The following NT5E variants were observed in gnomAD, a reference collection of about 807,000 sequenced individuals.
NT5E encodes 5'-nucleotidase.
In NT5E, 53 loss-of-function variants were observed where a neutral mutation model predicts 55.1. The observed-to-expected ratio is 0.96, with a 90% CI of 0.77 to 1.21. The LOEUF (loss-of-function observed/expected upper bound fraction) is 1.21. NT5E is among the 50% of genes most tolerant of loss of function. The pLI is 0.00. For missense variants in NT5E, 683 were observed against 724.3 expected, an observed-to-expected ratio of 0.94 and a Z score of 0.65; for synonymous variants, 270 against 278.4, an observed-to-expected ratio of 0.97 and a Z score of 0.30.
chr6:85,485,725 A>C (rs1769640325), intron 4 of NT5E, among the ~76,000 whole-genome samples: 2 of 152,212 alleles, frequency 1.3e-5, no homozygotes, highest in Non-Finnish European at 2.9e-5. Flanking sequence ...GCTTGTGTTT[A>C]CAGGAGAGAT....
chr6:85,453,095 C>A (rs182171939), intron 1 of NT5E, among the ~76,000 whole-genome samples: 1 of 152,222 alleles, frequency 6.6e-6, no homozygotes, highest in East Asian at 1.9e-4. Context: ...ATCCTGGAGA[C>A]CCCCTGGAAC....
chr6:85,467,967 T>C (rs1417100185), intron 2 of NT5E, among the ~76,000 whole-genome samples: 1 of 151,968 alleles, frequency 6.6e-6, no homozygotes, highest in Non-Finnish European at 1.5e-5. Context: ...CAAGAAACTA[T>C]TTTGAGGCAC....
At position 85,467,238 on chromosome 6, in the gene NT5E, T is replaced by C. The variant is rs751632170; in HGVS notation, c.518T>C (p.Ile173Thr). 3 of 1,614,212 alleles carry C rather than the reference T, an allele frequency of 1.9e-6. No homozygotes were observed. The highest frequency in any genetic ancestry group is 2.5e-6 in the Non-Finnish European group (3 of 1,180,024). ...CCTGTTGGTGATGAAGTTGTGGGAA[T>C]CGTTGGATACACTTCCAAAGAAACC... ...VLPVGDEVVG[I>T]VGYTSKETPF... The change falls in exon 2 of 9, where the codon ATC becomes ACC. Residue 173 changes from isoleucine to threonine, a missense_variant. Ile to Thr is a moderately conservative substitution (Grantham distance 89). Transcript: ENST00000257770.
chr6:85,471,489 T>A (rs1409168114), intron 3 of NT5E, 64 bp downstream of exon 3: 1 of 1,379,286 alleles, frequency 7.3e-7, no homozygotes, highest in South Asian at 1.2e-5. Flanking sequence ...CTCTTTTGCC[T>A]TTGTAACTGT....
chr6:85,494,300 T>A lies in NT5E; in HGVS notation c.*296T>A. The A allele has an allele frequency of 2.7e-6, 1 of 368,498 alleles. No individual in the cohort carries two copies. Among genetic ancestry groups the A allele is most frequent in the Non-Finnish European group, 4.9e-6 (1 of 203,078 alleles). The allele number at this position is 368,498 out of a possible 1,614,324, so 22.8% of individuals were successfully genotyped here. On this transcript the variant is annotated 3_prime_UTR_variant, in exon 9 of 9. Coordinates refer to ENST00000257770, the MANE Select transcript of NT5E (RefSeq NM_002526.4). ...CAATTTTAAACCATATTTTTCTTCT[T>A]CATATCCATTTCTAATCCATCAAAC...
At position 85,464,369 on chromosome 6, in the gene NT5E, G is replaced by T. The variant is rs971306872; in HGVS notation, c.340-2691G>T. Among the ~76,000 whole-genome samples, 9 of 152,140 alleles carry T rather than the reference G, an allele frequency of 5.9e-5. 1 individual carries two copies. Among genetic ancestry groups the T allele is most frequent in the Non-Finnish European group, 1.2e-4 (8 of 68,032 alleles). The stretch of plus-strand genomic sequence containing the variant: ...TGTGGCAAGTGCTGACTCAATACTG[G>T]CTCATTTCCTTAACTGCTTTTATTT... On this transcript the variant is annotated intron_variant, in intron 1 of 8. Coordinates refer to ENST00000257770, the MANE Select transcript of NT5E (RefSeq NM_002526.4).
chr6:85,481,039 C>T (rs1362766373), intron 3 of NT5E, among the ~76,000 whole-genome samples: 3 of 152,082 alleles, frequency 2.0e-5, no homozygotes, highest in African/African-American at 7.2e-5. Context: ...ACTCAGGCAT[C>T]GCTGGCTTCT....
chr6:85,466,983 G>A, intron 1 of NT5E, 77 bp from the exon 2 acceptor site: 1 of 1,343,216 alleles, frequency 7.4e-7, no homozygotes, highest in Non-Finnish European at 1.1e-6. Flanking sequence ...ATAGAGCTTA[G>A]TCAGTTTTGA....
At position 85,450,554 on chromosome 6, in the gene NT5E, A is replaced by T; in HGVS notation, c.339+76A>T. The T allele has an allele frequency of 7.3e-7, 1 of 1,374,628 alleles. No individual in the cohort carries two copies. Among genetic ancestry groups the T allele is most frequent in the Non-Finnish European group, 1.0e-6 (1 of 990,156 alleles). 85.2% of individuals were successfully genotyped at this position (1,374,628 alleles called of 1,614,324 possible). A position where few individuals can be genotyped will look rare whatever the true frequency, so the allele number is the denominator to read the frequency against. On this transcript the variant is annotated intron_variant, in intron 1 of 8. Coordinates refer to ENST00000257770, the MANE Select transcript of NT5E (RefSeq NM_002526.4). The surrounding 1 kb of genome is among the most constrained non-coding windows in gnomAD (Gnocchi z 4.0). ...CCGGGCTGGAAAAGCAGCGGATGGC[A>T]GAGTGTGGCAAGCCTAGGTCCAGGG...
At chr6:85,456,292 G>A (rs546295999) in intron 1 of NT5E, among the ~76,000 whole-genome samples, 20 of 152,230 alleles carry the variant, frequency 1.3e-4, no homozygotes, top group African/African-American at 4.1e-4. Context: ...TTCCCTAGTC[G>A]TATGCTTTAT....
chr6:85,475,560 G>T (rs571289594), intron 3 of NT5E, among the ~76,000 whole-genome samples: 1 of 152,296 alleles, frequency 6.6e-6, no homozygotes, highest in African/African-American at 2.4e-5. Context: ...TTTCTCTAAA[G>T]AAGTTAAATC....
At position 85,471,380 on chromosome 6, in the gene NT5E, G is replaced by A. The variant is rs755607013; in HGVS notation, c.706G>A (p.Val236Met). The A allele has an allele frequency of 1.9e-6, 3 of 1,612,956 alleles. No individual in the cohort carries two copies. Among genetic ancestry groups the A allele is most frequent in the Admixed American group, 3.3e-5 (2 of 59,984 alleles). ...ACTCATCGCTCAGAAAGTGAGGGGT[G>A]TGGACGTCGTGGTGGGAGGACACTC... is the stretch of plus-strand genomic sequence containing the variant. The part of the protein sequence containing the change: ...DKLIAQKVRG[V>M]DVVVGGHSNT... The change falls in exon 3 of 9, where the codon GTG becomes ATG. Residue 236 changes from valine (V) to methionine (M), a missense_variant. By Grantham distance (21) the Val-to-Met change is conservative. Transcript: ENST00000257770.
rs1372505324 is a variant in NT5E at position 85,450,528 on chromosome 6, G to A, written c.339+50G>A. 2.6e-6 allele frequency: 4 copies of A among 1,516,872 alleles called. No homozygotes were observed. Among genetic ancestry groups the A allele is most frequent in the African/African-American group, 1.4e-5 (1 of 72,806 alleles). 94.0% of individuals were successfully genotyped at this position (1,516,872 alleles called of 1,614,324 possible). ...ATAGTAGTCCCGGACTGAGAGAGGA[G>A]CCGGGCTGGAAAAGCAGCGGATGGC... On this transcript the variant is annotated intron_variant, in intron 1 of 8. Transcript: ENST00000257770. The surrounding 1 kb of genome is among the most constrained non-coding windows in gnomAD (Gnocchi z 4.0).
At chr6:85,452,462 GTGTT>G (rs1293709796) in intron 1 of NT5E, among the ~76,000 whole-genome samples, 6 of 152,162 alleles carry the variant, frequency 3.9e-5, no homozygotes, top group African/African-American at 1.4e-4. Flanking sequence ...TATCTCTTCT[GTGTT>G]TGTTCAGAAT....
chr6:85,467,028 C>A (rs1388472220), intron 1 of NT5E, 32 bp from the exon 2 acceptor site: 1 of 1,584,646 alleles, frequency 6.3e-7, no homozygotes, highest in Non-Finnish European at 8.7e-7. Context: ...TTTAAAGCAC[C>A]TAATTCTTTT....
chr6:85,491,859 G>T (rs1039117874), intron 7 of NT5E, 118 bp from the exon 8 acceptor site: 2 of 897,700 alleles, frequency 2.2e-6, no homozygotes. Flanking sequence ...TTTCACTCAG[G>T]TTTAAACCAA....
Position 85,468,792 on chromosome 6 carries a change from G to A in NT5E, c.562+1510G>A, listed in dbSNP as rs75096623. 1.6e-3 allele frequency among the ~76,000 whole-genome samples: 247 copies of A among 152,280 alleles called. 8 individuals carry two copies. The East Asian group carries it at 0.038, about 24-fold the overall frequency. Reference sequence around the variant, plus strand: ...AAGGAGGTAGGAGGTGCAGGTCTTGGTGGAAAGGCACAGCAGCTCCAGAAA... The same window carrying A: ...AAGGAGGTAGGAGGTGCAGGTCTTGATGGAAAGGCACAGCAGCTCCAGAAA... On this transcript the variant is annotated intron_variant, in intron 2 of 8. Coordinates refer to ENST00000257770, the MANE Select transcript of NT5E (RefSeq NM_002526.4).
rs111538815 is a variant in NT5E at position 85,462,484 on chromosome 6, T to C, written c.340-4576T>C. Among the ~76,000 whole-genome samples the C allele has an allele frequency of 1.7e-4, 26 of 152,230 alleles. 2 individuals are homozygous for C. The highest frequency in any genetic ancestry group is 5.1e-4 in the African/African-American group (21 of 41,540). On this transcript the variant is annotated intron_variant, in intron 1 of 8. Coordinates refer to ENST00000257770, the MANE Select transcript of NT5E (RefSeq NM_002526.4). ...TTATGACACAGTTCAAGGTGTGACA[T>C]CTTTGAGGTCTCTCCATAACACCTC...
chr6:85,488,883 T>C (rs1431661778), intron 5 of NT5E, among the ~76,000 whole-genome samples: 1 of 112,260 alleles, frequency 8.9e-6, no homozygotes, highest in African/African-American at 5.0e-5. Flanking sequence ...TGCCTGGCCT[T>C]TTTTTTTTTT....
Sources: allele counts gnomAD v4.1 joint callset (sites outside exome capture counted in the v4.1 genomes callset), GRCh38; gene constraint gnomAD v4.1.1; non-coding constraint Gnocchi (gnomAD v3.1); transcripts MANE v1.5; gene names NCBI Gene and HGNC (gene_info 2026-07-23, HGNC 2026-07-21).